VLDLR: variants seen among roughly 807,000 people sequenced by gnomAD.
The protein encoded by VLDLR is very low density lipoprotein receptor.
A neutral mutation model predicts 112.7 loss-of-function variants in VLDLR; 81 were observed. The observed-to-expected ratio is 0.72, with a 90% CI of 0.60 to 0.86. The LOEUF (loss-of-function observed/expected upper bound fraction) is 0.86. Ranked by LOEUF, VLDLR falls within the 40% of genes least tolerant of loss-of-function variation. The pLI is 0.00. For synonymous variants in VLDLR, 436 were observed against 384.8 expected (o/e 1.13, Z -1.56); for missense variants, 1,237 against 1,099.4 (o/e 1.13, Z -1.77).
At chr9:2,626,082 C>A (rs986276088) in intron 1 of VLDLR, among the ~76,000 whole-genome samples, 2 of 152,182 alleles carry the variant, frequency 1.3e-5, no homozygotes, top group Non-Finnish European at 2.9e-5. Flanking sequence ...ACTGCAGGAA[C>A]CAAATGAGAT....
rs1476716726 is a variant in VLDLR, at chr9:2,650,449, C to G, written c.2184C>G (p.His728Gln). The G allele has an allele frequency of 6.2e-7, 1 of 1,614,104 alleles. No individual in the cohort carries two copies. Among genetic ancestry groups the G allele is most frequent in the Admixed American group, 1.7e-5 (1 of 60,018 alleles). The change falls in exon 15 of 19, where the codon CAC becomes CAG. Residue 728 changes from histidine to glutamine, a missense_variant. Transcript: ENST00000382100. ...TGCCAGCACCACAGATTAATGATCA[C>G]TCTCCAAAATATACCTGTTCCTGTC... Reference protein sequence around the residue: ...LCLPAPQINDHSPKYTCSCPS... With the variant: ...LCLPAPQINDQSPKYTCSCPS...
At chr9:2,635,255 T>G (rs1817550366) in intron 1 of VLDLR, among the ~76,000 whole-genome samples, 198 bp from the exon 2 acceptor site, 1 of 152,194 alleles carries the variant, frequency 6.6e-6, no homozygotes, top group Non-Finnish European at 1.5e-5. Flanking sequence ...AAATCTAGTA[T>G]TTAGTCTTAG....
intron 18 of VLDLR, 129 bp downstream of exon 18, chr9:2,653,078 T>A: frequency 1.7e-6 from 2 of 1,205,166 alleles, no homozygotes; most frequent in Non-Finnish European, 2.4e-6. Flanking sequence ...ACCTGGCTAT[T>A]AGACAGACAG....
In VLDLR at chr9:2,652,513, T is replaced by C. The variant is rs184824259; in HGVS notation, c.2417-267T>C. On this transcript the variant is annotated intron_variant, in intron 17 of 18. Transcript: ENST00000382100. ...AGCTCTCCAGAACCTTCTGCAATTT[T>C]AATTTGGTGAGCCTAAGGTGGGACC... 2.1e-4 allele frequency among the ~76,000 whole-genome samples: 32 copies of C among 152,284 alleles called. 1 individual carries two copies. The East Asian group carries it at 6.2e-3, about 29-fold the overall frequency.
chr9:2,633,091 TGAGA>T (rs1318725201), intron 1 of VLDLR, among the ~76,000 whole-genome samples: 8 of 143,720 alleles, frequency 5.6e-5, no homozygotes, highest in African/African-American at 7.6e-5. Context: ...TGTGTGTGGT[TGAGA>T]GAGAGGGAGT....
chr9:2,623,106 G>A lies in VLDLR; in HGVS notation c.82+835G>A, dbSNP rs77854824. Reference sequence around the variant, plus strand: ...GGAATTGAGTCCTAGGCTAGTGACTGTAATTAGCCTTCATTCTACACAATA... The same window carrying A: ...GGAATTGAGTCCTAGGCTAGTGACTATAATTAGCCTTCATTCTACACAATA... On this transcript the variant is annotated intron_variant, in intron 1 of 18. Coordinates refer to ENST00000382100, the MANE Select transcript of VLDLR (RefSeq NM_003383.5). 3.4e-3 allele frequency among the ~76,000 whole-genome samples: 514 copies of A among 152,326 alleles called. 1 individual carries two copies. The highest frequency in any genetic ancestry group is 6.3e-3 in the Non-Finnish European group (426 of 68,024).
chr9:2,647,510 A>G lies in VLDLR; in HGVS notation c.1740A>G (p.Lys580=), dbSNP rs1312997234. ...VYWSDWGEPA[K]IEKAGMNGFD... The stretch of plus-strand genomic sequence containing the variant: ...GGTCAGACTGGGGTGAACCAGCTAA[A>G]ATAGAAAAAGCAGGAATGAATGGAT... The change falls in exon 12 of 19, where the codon AAA becomes AAG. Residue 580 remains lysine, a synonymous_variant. Transcript: ENST00000382100. 1 of 1,614,182 alleles carries G rather than the reference A, an allele frequency of 6.2e-7. No homozygotes were observed. Among genetic ancestry groups the G allele is most frequent in the South Asian group, 1.1e-5 (1 of 91,088 alleles).
chr9:2,654,179 CTA>C lies in VLDLR; in HGVS notation c.*314_*315del. 1 of 410,416 alleles carries C rather than the reference CTA, an allele frequency of 2.4e-6. No individual in the cohort carries two copies. Among genetic ancestry groups the C allele is most frequent in the Non-Finnish European group, 4.6e-6 (1 of 217,544 alleles). 25.4% of individuals were successfully genotyped at this position (410,416 alleles called of 1,614,324 possible). A position where few individuals can be genotyped will look rare whatever the true frequency, so the allele number is the denominator to read the frequency against. On this transcript the variant is annotated 3_prime_UTR_variant, in exon 19 of 19. Coordinates refer to ENST00000382100, the MANE Select transcript of VLDLR (RefSeq NM_003383.5). ...CCATATTCCAGCAGTGAAACTTGTG[CTA>C]TAGTGTATACCACCTGTACATACAT... is the stretch of plus-strand genomic sequence containing the variant.
intron 13 of VLDLR, 84 bp from the exon 14 acceptor site, chr9:2,648,585 A>G: frequency 1.3e-6 from 2 of 1,598,324 alleles, no homozygotes; most frequent in Non-Finnish European, 8.6e-7. Context: ...TTAGTCCATT[A>G]AATGAGAAGT....
At chr9:2,622,370 A>T (rs977072612) in intron 1 of VLDLR, 99 bp downstream of exon 1, 2 of 1,116,662 alleles carry the variant, frequency 1.8e-6, no homozygotes, top group Non-Finnish European at 2.4e-6. Context: ...GCCTCCTAGG[A>T]GGCGCCTCTC....
In VLDLR at chr9:2,639,967, G is replaced by A; in HGVS notation, c.311G>A (p.Ser104Asn). ...GACTGCGAAGATGGTTCAGATGAAA[G>A]CCCAGAACAGTGCCGTGAGTGTAAC... ...DPDCEDGSDESPEQCHMRTCR... is the reference protein window; with the variant it reads ...DPDCEDGSDENPEQCHMRTCR... The change falls in exon 3 of 19, where the codon AGC (serine) becomes AAC (asparagine). Residue 104 changes from serine (S) to asparagine (N), a missense_variant. Transcript: ENST00000382100. 7 of 1,614,204 alleles carry A rather than the reference G, an allele frequency of 4.3e-6. No individual in the cohort carries two copies. Among genetic ancestry groups the A allele is most frequent in the Non-Finnish European group, 5.9e-6 (7 of 1,180,038 alleles).
Position 2,646,388 on chromosome 9 carries a change from T to C in VLDLR, c.1539T>C (p.Tyr513=), listed in dbSNP as rs774348806. The change falls in exon 11 of 19, where the codon TAT becomes TAC. Residue 513 remains tyrosine, a synonymous_variant. Transcript: ENST00000382100. ...ATGTTAAAATGATCGACAATGTCTATAATCCTGCAGCCATTGCTGTTGATT... is the reference window on the plus strand; with the variant it reads ...ATGTTAAAATGATCGACAATGTCTACAATCCTGCAGCCATTGCTGTTGATT... ...GRHVKMIDNV[Y]NPAAIAVDWV... 4.3e-6 allele frequency: 7 copies of C among 1,614,202 alleles called. No homozygotes were observed. The highest frequency in any genetic ancestry group is 1.1e-5 in the South Asian group (1 of 91,078).
chr9:2,635,818 A>T (rs1817578965), intron 2 of VLDLR, among the ~76,000 whole-genome samples: 1 of 152,194 alleles, frequency 6.6e-6, no homozygotes, highest in South Asian at 2.1e-4. Flanking sequence ...ACAAACGTGG[A>T]ATAGGAATCT....
intron 1 of VLDLR, among the ~76,000 whole-genome samples, chr9:2,625,222 T>G (rs1817037428): frequency 6.6e-6 from 1 of 152,158 alleles, no homozygotes; most frequent in Non-Finnish European, 1.5e-5. Context: ...CCCCTTCTGC[T>G]CCAGGAGAGG....
intron 3 of VLDLR, among the ~76,000 whole-genome samples, chr9:2,640,450 C>T (rs1321407046): frequency 3.3e-5 from 5 of 152,148 alleles, no homozygotes; most frequent in African/African-American, 9.7e-5. Context: ...ACTCCTGACA[C>T]ACATGTAACC....
At chr9:2,652,565 T>C (rs1312854673) in intron 17 of VLDLR, among the ~76,000 whole-genome samples, 1 of 152,176 alleles carries the variant, frequency 6.6e-6, no homozygotes, top group Non-Finnish European at 1.5e-5. Flanking sequence ...CCTGGATGGA[T>C]GTGGCTAGTC....
Position 2,658,453 on chromosome 9 carries a change from CAG to C in VLDLR, c.*4586_*4587del. 1 of 152,324 alleles carries C rather than the reference CAG, an allele frequency of 6.6e-6. No homozygotes were observed. Among genetic ancestry groups the C allele is most frequent in the Middle Eastern group, 3.4e-3 (1 of 294 alleles). 9.4% of individuals were successfully genotyped at this position (152,324 alleles called of 1,614,324 possible). On this transcript the variant is annotated 3_prime_UTR_variant, in exon 19 of 19. Transcript: ENST00000382100. ...CTGCGGGTGGGGAGTTTGTGCTCCG[CAG>C]GTTACCTCATGGCATATCAAAAATG... is the stretch of plus-strand genomic sequence containing the variant.
rs552762400 is a variant in VLDLR at position 2,654,035 on chromosome 9, T to A, written c.*167T>A. 3 of 662,620 alleles carry A rather than the reference T, an allele frequency of 4.5e-6. No homozygotes were observed. The South Asian group carries it at 5.4e-5, about 12-fold the overall frequency. The allele number at this position is 662,620 out of a possible 1,614,324, so 41.0% of individuals were successfully genotyped here. Reference sequence around the variant, plus strand: ...TACTTGACCGTTTTTATATTACTTTTGTAAATATTCTTGTCCACATTCTAC... The same window carrying A: ...TACTTGACCGTTTTTATATTACTTTAGTAAATATTCTTGTCCACATTCTAC... On this transcript the variant is annotated 3_prime_UTR_variant, in exon 19 of 19. Transcript: ENST00000382100.
Position 2,645,595 on chromosome 9 carries a change from T to A in VLDLR, c.1334T>A (p.Phe445Tyr). The change falls in exon 10 of 19, where the codon TTC becomes TAC. Residue 445 changes from phenylalanine (F) to tyrosine (Y), a missense_variant. Physicochemically the swap from Phe to Tyr is conservative, Grantham distance 22. Transcript: ENST00000382100. ...KAVGKEPSLI[F>Y]TNRRDIRKIG... is the part of the protein sequence containing the mutation. ...GCAGGCAAAGAGCCAAGTCTGATCT[T>A]CACTAATCGAAGAGACATCAGGAAG... 1.2e-6 allele frequency: 2 copies of A among 1,614,208 alleles called. No individual in the cohort carries two copies. Among genetic ancestry groups the A allele is most frequent in the Non-Finnish European group, 1.7e-6 (2 of 1,180,036 alleles).
Sources: allele counts gnomAD v4.1 joint callset (sites outside exome capture counted in the v4.1 genomes callset), GRCh38; gene constraint gnomAD v4.1.1; transcripts MANE v1.5; gene names NCBI Gene and HGNC (gene_info 2026-07-23, HGNC 2026-07-21).